AGAP1: variants seen among roughly 807,000 people sequenced by gnomAD.
The protein encoded by AGAP1 is arf-GAP with GTPase, ANK repeat and PH domain-containing protein 1.
AGAP1 carries 29 observed loss-of-function variants against 105.3 expected under a neutral mutation model. The ratio of observed to expected loss-of-function variants is 0.28; its 90% CI spans 0.21 to 0.38. AGAP1 has a LOEUF of 0.38. AGAP1 is among the 10% of genes least tolerant of loss of function. The pLI is 1.00. For missense variants in AGAP1, 998 were observed against 1,165.1 expected (o/e 0.86, Z 2.09); for synonymous variants, 509 against 485.9 (o/e 1.05, Z -0.63).
chr2:235,709,356 G>A, intron 2 of AGAP1, 119 bp downstream of exon 2: 5 of 1,207,948 alleles, frequency 4.1e-6, no homozygotes, highest in Non-Finnish European at 6.1e-6. Flanking sequence ...TGTGACTCTG[G>A]GTGTGTTCCT....
intron 10 of AGAP1, among the ~76,000 whole-genome samples, chr2:235,902,079 G>A (rs190893640): frequency 1.2e-4 from 19 of 152,254 alleles, no homozygotes; most frequent in Admixed American, 1.2e-3. Flanking sequence ...ATCATGAGAA[G>A]GGTTGCATTG....
intron 1 of AGAP1, among the ~76,000 whole-genome samples, chr2:235,683,468 A>G (rs1027840331): frequency 6.6e-6 from 1 of 150,662 alleles, no homozygotes; most frequent in African/African-American, 2.4e-5. Flanking sequence ...ATTATACAAT[A>G]CTTAATACAT....
chr2:236,086,460 ATCCTCTTTT>A (rs1238786432), intron 16 of AGAP1, among the ~76,000 whole-genome samples: 2 of 152,196 alleles, frequency 1.3e-5, no homozygotes, highest in South Asian at 2.1e-4. Flanking sequence ...GTAATTTTAA[ATCCTCTTTT>A]TCCTCTTTTT....
Position 236,003,772 on chromosome 2 carries a change from C to T in AGAP1, c.1646-32789C>T, listed in dbSNP as rs1163170440. Among the ~76,000 whole-genome samples, 1 of 152,048 alleles carries T rather than the reference C, an allele frequency of 6.6e-6. No individual in the cohort carries two copies. The highest frequency in any genetic ancestry group is 1.5e-5 in the Non-Finnish European group (1 of 68,008). ...TGTGCAGCTCACTGTGGAGGGGTCA[C>T]TGCTGTCCTACCACTTTTTTTTTTT... On this transcript the variant is annotated intron_variant, in intron 13 of 17. Coordinates refer to ENST00000304032, the MANE Select transcript of AGAP1 (RefSeq NM_001037131.3). The surrounding 1 kb of genome is among the most constrained non-coding windows in gnomAD (Gnocchi z 4.2).
At chr2:235,617,287 C>A (rs1946338794) in intron 1 of AGAP1, among the ~76,000 whole-genome samples, 1 of 152,288 alleles carries the variant, frequency 6.6e-6, no homozygotes, top group South Asian at 2.1e-4. Context: ...AGCTAAGTTA[C>A]TTTTTCTACA....
At chr2:235,918,082 C>T (rs2051989390) in intron 11 of AGAP1, among the ~76,000 whole-genome samples, 1 of 152,240 alleles carries the variant, frequency 6.6e-6, no homozygotes, top group Non-Finnish European at 1.5e-5. Flanking sequence ...TGTCAGTCCA[C>T]ACCTGTCCCC....
intron 9 of AGAP1, among the ~76,000 whole-genome samples, chr2:235,844,812 G>A (rs1961284950): frequency 6.6e-6 from 1 of 152,184 alleles, no homozygotes; most frequent in South Asian, 2.1e-4. Flanking sequence ...CGCCCCCTCA[G>A]AAGTCTTCCT....
intron 14 of AGAP1, among the ~76,000 whole-genome samples, chr2:236,039,182 C>T (rs188790037): frequency 2.2e-4 from 34 of 152,300 alleles, no homozygotes; most frequent in South Asian, 4.1e-4. Flanking sequence ...CGATGGTTCA[C>T]GCCTGTACTC....
chr2:235,671,627 G>T (rs963811418), intron 1 of AGAP1, among the ~76,000 whole-genome samples: 2 of 152,244 alleles, frequency 1.3e-5, no homozygotes, highest in African/African-American at 4.8e-5. Flanking sequence ...CCTGGGGTGG[G>T]ACGGAGGCCC....
chr2:235,947,158 G>A (rs568548459), intron 12 of AGAP1, among the ~76,000 whole-genome samples: 2 of 152,186 alleles, frequency 1.3e-5, no homozygotes, highest in South Asian at 4.2e-4. Flanking sequence ...GATTTCTGAG[G>A]TTTTGGTGCA....
chr2:236,041,518 A>G (rs1471016278), intron 15 of AGAP1, among the ~76,000 whole-genome samples: 1 of 152,114 alleles, frequency 6.6e-6, no homozygotes, highest in African/African-American at 2.4e-5. Context: ...CCATACTATT[A>G]CTTTCCCTTT....
intron 6 of AGAP1, among the ~76,000 whole-genome samples, chr2:235,784,572 T>C (rs2149960977): frequency 6.8e-6 from 1 of 146,360 alleles, no homozygotes; most frequent in East Asian, 2.0e-4. Context: ...ACAATGGCAA[T>C]TGATAAACTT....
At chr2:235,686,642 TATAGATATATATATATATA>T (rs1559350845) in intron 1 of AGAP1, among the ~76,000 whole-genome samples, 23 of 45,128 alleles carry the variant, frequency 5.1e-4, no homozygotes, top group Admixed American at 2.3e-3. Context: ...TATATATATA[TATAGATATATATATATATA>T]TATATTTTTT....
In AGAP1 at chr2:235,904,790, TCA is replaced by T. The variant is rs1403092172; in HGVS notation, c.1156-3947_1156-3946del. ...ATCAGTTCTTTCAAAACCAGAAAGC[TCA>T]GTGTCGTTTCTCTTGGGAGGAACTT... On this transcript the variant is annotated intron_variant, in intron 10 of 17. Transcript: ENST00000304032. This position sits in a 1 kb window ranked among gnomAD's most constrained non-coding sequence, Gnocchi z 4.2. Among the ~76,000 whole-genome samples, 2 of 152,188 alleles carry T rather than the reference TCA, an allele frequency of 1.3e-5. No homozygotes were observed. The highest frequency in any genetic ancestry group is 6.5e-5 in the Admixed American group (1 of 15,276).
chr2:235,557,942 G>A lies in AGAP1; in HGVS notation c.163+63093G>A, dbSNP rs1944023869. Among the ~76,000 whole-genome samples the A allele has an allele frequency of 6.6e-6, 1 of 152,188 alleles. No homozygotes were observed. Among genetic ancestry groups the A allele is most frequent in the Non-Finnish European group, 1.5e-5 (1 of 68,036 alleles). On this transcript the variant is annotated intron_variant, in intron 1 of 17. Transcript: ENST00000304032. This position sits in a 1 kb window ranked among gnomAD's most constrained non-coding sequence, Gnocchi z 4.7. ...AGTGAGGTTTTGTGGTCCTGGACAGGTGAGCTCCCCTCCAGAGGCTGCCTG... is the reference window on the plus strand; with the variant it reads ...AGTGAGGTTTTGTGGTCCTGGACAGATGAGCTCCCCTCCAGAGGCTGCCTG...
In AGAP1 at chr2:235,970,717, G is replaced by A. The variant is rs1434981663; in HGVS notation, c.1645+2094G>A. ...GTGTAAATGAGTGAATAAATCAGTA[G>A]CGTTTCTGCACATTTGATGGAGCAG... On this transcript the variant is annotated intron_variant, in intron 13 of 17. Coordinates refer to ENST00000304032, the MANE Select transcript of AGAP1 (RefSeq NM_001037131.3). The surrounding 1 kb of genome is among the most constrained non-coding windows in gnomAD (Gnocchi z 5.4). 1.3e-5 allele frequency among the ~76,000 whole-genome samples: 2 copies of A among 152,202 alleles called. No individual in the cohort carries two copies. The highest frequency in any genetic ancestry group is 4.8e-5 in the African/African-American group (2 of 41,448).
In AGAP1 at chr2:236,130,697, C is replaced by T. The variant is rs1284745155; in HGVS notation, c.*6575C>T. ...GGAATCCTAATGGGCCTCATGCAGA[C>T]ACTGGAAGCAGCCCAGCCCCCTGCC... On this transcript the variant is annotated 3_prime_UTR_variant, in exon 18 of 18. Coordinates refer to ENST00000304032, the MANE Select transcript of AGAP1 (RefSeq NM_001037131.3). This position sits in a 1 kb window ranked among gnomAD's most constrained non-coding sequence, Gnocchi z 5.8. The T allele has an allele frequency of 6.6e-6, 1 of 152,364 alleles. No homozygotes were observed. Among genetic ancestry groups the T allele is most frequent in the Non-Finnish European group, 1.5e-5 (1 of 68,190 alleles). 9.4% of individuals were successfully genotyped at this position (152,364 alleles called of 1,614,324 possible). A position where few individuals can be genotyped will look rare whatever the true frequency, so the allele number is the denominator to read the frequency against.
intron 5 of AGAP1, among the ~76,000 whole-genome samples, chr2:235,745,936 G>A (rs1270659973): frequency 6.6e-6 from 1 of 152,176 alleles, no homozygotes; most frequent in Non-Finnish European, 1.5e-5. Flanking sequence ...GACCAGCCTG[G>A]CCCACATGGT....
intron 1 of AGAP1, among the ~76,000 whole-genome samples, chr2:235,602,063 C>T (rs370655140): frequency 3.9e-5 from 6 of 152,356 alleles, no homozygotes; most frequent in African/African-American, 1.4e-4. Context: ...TTACTATGAC[C>T]TCCAGGGCCG....
Sources: gnomAD v4.1 joint callset for allele counts (sites outside exome capture counted in the v4.1 genomes callset) on GRCh38, gnomAD v4.1.1 for gene constraint, Gnocchi (gnomAD v3.1) non-coding constraint, MANE v1.5 for transcripts, NCBI Gene and HGNC (gene_info 2026-07-23, HGNC 2026-07-21) for gene names.